CRISPLD1: variants seen among roughly 807,000 people sequenced by gnomAD.
CRISPLD1 encodes cysteine-rich secretory protein LCCL domain-containing 1.
Under a neutral mutation model 77.5 loss-of-function variants are expected in CRISPLD1, and 60 were observed. The ratio of observed to expected loss-of-function variants is 0.77; its 90% CI spans 0.63 to 0.96. The LOEUF is 0.96. Among genes scored for constraint, CRISPLD1 ranks in the 40% least tolerant of loss-of-function variants. The probability of loss-of-function intolerance (pLI) is 0.00; values close to 1 mark genes in which losing one functional copy is unlikely to be tolerated. For missense variants in CRISPLD1, 623 were observed against 615.8 expected (o/e 1.01, Z -0.12); for synonymous variants, 195 against 200.1 (o/e 0.97, Z 0.22).
intron 14 of CRISPLD1, among the ~76,000 whole-genome samples, chr8:75,030,130 T>C (rs1033408025): frequency 6.6e-6 from 1 of 152,150 alleles, no homozygotes; most frequent in Non-Finnish European, 1.5e-5. Context: ...AAAATCATTA[T>C]TACTTATAAA....
intron 14 of CRISPLD1, among the ~76,000 whole-genome samples, chr8:75,030,708 A>G (rs573870556): frequency 7.0e-4 from 97 of 138,756 alleles, no homozygotes; most frequent in Admixed American, 1.1e-3. Context: ...GTGTGTGTGT[A>G]TATGTATGTG....
At position 75,029,098 on chromosome 8, in the gene CRISPLD1, C is replaced by T. The variant is rs188858183; in HGVS notation, c.1321-289C>T. 5.3e-5 allele frequency among the ~76,000 whole-genome samples: 8 copies of T among 152,270 alleles called. No homozygotes were observed. In the East Asian group the frequency reaches 1.5e-3, roughly 29 times the overall value. On this transcript the variant is annotated intron_variant, in intron 13 of 14. Transcript: ENST00000262207. ...TAATTTGCTTTTTATTGCTTTGATA[C>T]TCTAAAGCCTACTGTTTGGACAGAA...
rs543283250 is a variant in CRISPLD1, at chr8:75,001,157, A to T, written c.259-11276A>T. Among the ~76,000 whole-genome samples, 11 of 151,676 alleles carry T rather than the reference A, an allele frequency of 7.3e-5. No individual in the cohort carries two copies. In the East Asian group the frequency reaches 1.9e-3, roughly 27 times the overall value. ...GTGTATTTTAAACATAAATTATTTT[A>T]TGCAAAACAATTTTACATAAAACAC... is the stretch of plus-strand genomic sequence containing the variant. On this transcript the variant is annotated intron_variant, in intron 2 of 14. Coordinates refer to ENST00000262207, the MANE Select transcript of CRISPLD1 (RefSeq NM_031461.6).
chr8:75,015,568 C>G (rs1299159770), intron 6 of CRISPLD1, among the ~76,000 whole-genome samples: 1 of 152,128 alleles, frequency 6.6e-6, no homozygotes, highest in Non-Finnish European at 1.5e-5. Context: ...ACATTTTTTA[C>G]TGCCTTGTAC....
At chr8:74,998,711 A>G (rs1015481209) in intron 2 of CRISPLD1, among the ~76,000 whole-genome samples, 3 of 149,684 alleles carry the variant, frequency 2.0e-5, no homozygotes, top group South Asian at 4.2e-4. Flanking sequence ...AAAAAAAAGT[A>G]AAGTTCAAAG....
intron 2 of CRISPLD1, among the ~76,000 whole-genome samples, chr8:74,997,453 A>G (rs1336127409): frequency 6.6e-6 from 1 of 152,198 alleles, no homozygotes; most frequent in African/African-American, 2.4e-5. Flanking sequence ...GAAATCAGTA[A>G]TTTCTTTTTG....
At chr8:75,008,623 G>T (rs1812876508) in intron 2 of CRISPLD1, among the ~76,000 whole-genome samples, 1 of 151,996 alleles carries the variant, frequency 6.6e-6, no homozygotes, top group Non-Finnish European at 1.5e-5. Flanking sequence ...TATTGATAAA[G>T]AACTAAATTT....
intron 2 of CRISPLD1, among the ~76,000 whole-genome samples, chr8:75,010,545 T>A (rs1812911262): frequency 6.6e-6 from 1 of 152,130 alleles, no homozygotes; most frequent in Admixed American, 6.6e-5. Context: ...GTGTTCTGAT[T>A]TCTTCACCCA....
chr8:74,996,120 A>G (rs1337085722), intron 2 of CRISPLD1, among the ~76,000 whole-genome samples: 2 of 151,492 alleles, frequency 1.3e-5, no homozygotes, highest in East Asian at 1.9e-4. Flanking sequence ...ACATATATGC[A>G]TATGTAATAC....
At chr8:75,024,432 TCTC>T (rs1813197936) in intron 12 of CRISPLD1, among the ~76,000 whole-genome samples, 2 of 152,088 alleles carry the variant, frequency 1.3e-5, no homozygotes, top group Admixed American at 6.5e-5. Context: ...TTCCAACAAT[TCTC>T]CTCCATCAGC....
chr8:75,012,397 TAC>T, intron 2 of CRISPLD1, 34 bp from the exon 3 acceptor site: 1 of 1,233,000 alleles, frequency 8.1e-7, no homozygotes, highest in Non-Finnish European at 1.2e-6. Flanking sequence ...GTCCAAATGC[TAC>T]ATGTGCACAT....
intron 2 of CRISPLD1, among the ~76,000 whole-genome samples, chr8:74,990,059 A>G (rs1018882459): frequency 2.0e-5 from 3 of 152,194 alleles, no homozygotes; most frequent in Non-Finnish European, 4.4e-5. Context: ...CTATGTGCAC[A>G]TGGACATAGG....
At chr8:75,021,220 A>T (rs1426928988) in intron 12 of CRISPLD1, among the ~76,000 whole-genome samples, 1 of 152,202 alleles carries the variant, frequency 6.6e-6, no homozygotes, top group Non-Finnish European at 1.5e-5. Context: ...AAAGAATGGG[A>T]TTGGCTGTTC....
chr8:75,014,146 C>A, intron 5 of CRISPLD1, 44 bp downstream of exon 5: 1 of 1,254,636 alleles, frequency 8.0e-7, no homozygotes, highest in Non-Finnish European at 1.2e-6. Context: ...TTTTTCTTAA[C>A]AAAATGAAAA....
chr8:75,011,436 C>T (rs926101050), intron 2 of CRISPLD1, among the ~76,000 whole-genome samples: 5 of 151,878 alleles, frequency 3.3e-5, no homozygotes, highest in Non-Finnish European at 7.4e-5. Context: ...AGGTTCCATT[C>T]CCAGATTTGT....
At chr8:75,003,753 A>G (rs1399988664) in intron 2 of CRISPLD1, among the ~76,000 whole-genome samples, 1 of 133,714 alleles carries the variant, frequency 7.5e-6, no homozygotes, top group Non-Finnish European at 1.7e-5. Flanking sequence ...TGAGTTAGGT[A>G]AGGTATGGCC....
intron 12 of CRISPLD1, among the ~76,000 whole-genome samples, chr8:75,020,737 G>C (rs1168742771): frequency 6.6e-6 from 1 of 152,052 alleles, no homozygotes; most frequent in Non-Finnish European, 1.5e-5. Context: ...AACTAAAGTG[G>C]CATAACTCAT....
At chr8:75,020,344 C>T (rs1296797177) in intron 12 of CRISPLD1, among the ~76,000 whole-genome samples, 1 of 152,222 alleles carries the variant, frequency 6.6e-6, no homozygotes, top group African/African-American at 2.4e-5. Flanking sequence ...TATTAGTCTG[C>T]TGTGGCTGCT....
chr8:75,019,441 G>A (rs1813094192), intron 10 of CRISPLD1, among the ~76,000 whole-genome samples: 1 of 152,090 alleles, frequency 6.6e-6, no homozygotes, highest in African/African-American at 2.4e-5. Context: ...AACAAAAAAG[G>A]AATAATGGAC....
Sources: allele counts gnomAD v4.1 joint callset (sites outside exome capture counted in the v4.1 genomes callset), GRCh38; gene constraint gnomAD v4.1.1; transcripts MANE v1.5; gene names NCBI Gene and HGNC (gene_info 2026-07-23, HGNC 2026-07-21).